TRIM43B: variants seen among roughly 807,000 people sequenced by gnomAD.
The protein encoded by TRIM43B is tripartite motif-containing protein 43B.
In TRIM43B, 15 loss-of-function variants were observed where a neutral mutation model predicts 27.0. The observed-to-expected ratio is 0.55, with a 90% CI of 0.37 to 0.85. The LOEUF (loss-of-function observed/expected upper bound fraction) is 0.85. TRIM43B is among the 40% of genes least tolerant of loss of function. TRIM43B has a pLI of 0.00. For synonymous variants in TRIM43B, 69 were observed against 97.8 expected (o/e 0.71, Z 1.74); for missense variants, 172 against 289.8 (o/e 0.59, Z 2.95).
chr2:95,483,097 G>C (rs1573604740), intron 1 of TRIM43B, among the ~76,000 whole-genome samples: 2 of 152,208 alleles, frequency 1.3e-5, no homozygotes, highest in African/African-American at 2.4e-5. Flanking sequence ...CCAGTGATTG[G>C]TTTAGAGAAG....
intron 4 of TRIM43B, 56 bp downstream of exon 4, chr2:95,480,249 A>T (rs1275715134): frequency 6.7e-7 from 1 of 1,499,888 alleles, no homozygotes; most frequent in East Asian, 2.5e-5. Flanking sequence ...AATGGAAGGC[A>T]AAGATGTAAA....
chr2:95,481,728 C>T (rs1195001748), intron 2 of TRIM43B, 38 bp from the exon 3 acceptor site: 1 of 1,592,988 alleles, frequency 6.3e-7, no homozygotes, highest in Non-Finnish European at 8.6e-7. Context: ...AAGTCAAATA[C>T]CAAAGATTCC....
In TRIM43B at chr2:95,484,070, A is replaced by T. The variant is rs1189461160; in HGVS notation, c.-5+536T>A. 6.5e-4 allele frequency among the ~76,000 whole-genome samples: 78 copies of T among 119,678 alleles called. 1 individual carries two copies. The highest frequency in any genetic ancestry group is 2.5e-3 in the African/African-American group (68 of 27,248). The allele number at this position is 119,678 out of a possible 152,430, so 78.5% of individuals were successfully genotyped here. A position where few individuals can be genotyped will look rare whatever the true frequency, so the allele number is the denominator to read the frequency against. On this transcript the variant is annotated intron_variant, in intron 1 of 6. Coordinates refer to ENST00000639673, the Ensembl canonical transcript of TRIM43B. ...CTCTAAAAATACTTATATAAATTTAAAAAAAAAAAAAAAAAAAAGGCCGGG... is the reference window on the plus strand; with the variant it reads ...CTCTAAAAATACTTATATAAATTTATAAAAAAAAAAAAAAAAAAGGCCGGG...
chr2:95,484,193 AC>A (rs1683598107), intron 1 of TRIM43B, among the ~76,000 whole-genome samples: 2 of 151,502 alleles, frequency 1.3e-5, no homozygotes, highest in African/African-American at 4.8e-5. Flanking sequence ...ACATAATGAA[AC>A]CCCGTCTCTA....
chr2:95,480,521 T>G lies in TRIM43B; in HGVS notation c.522A>C (p.Leu174Phe), dbSNP rs1481967811. 4.0e-5 allele frequency: 64 copies of G among 1,608,522 alleles called. No individual in the cohort carries two copies. The Middle Eastern group carries it at 7.4e-4, about 19-fold the overall frequency. ...ACTCATTCCTGATCATCTGTGCCCG[T>G]AAAACCACATCGCCCTGTAGGGATA... The change falls in exon 4 of 7, where the codon TTA (leucine) becomes TTC (phenylalanine). Residue 174 changes from leucine (L) to phenylalanine (F), a missense_variant. By Grantham distance (22) the Leu-to-Phe change is conservative. Around this residue, in one of 3 missense-constraint regions of TRIM43B, gnomAD observed 67 missense variants for 66.4 expected, o/e 1.01. Transcript: ENST00000639673.
chr2:95,481,795 G>A (rs1185076330), intron 2 of TRIM43B, 105 bp from the exon 3 acceptor site: 2 of 1,284,786 alleles, frequency 1.6e-6, no homozygotes, highest in Non-Finnish European at 1.0e-6. Context: ...ATTAGTGAGA[G>A]GAGAAAAAAA....
At chr2:95,481,750 G>C in intron 2 of TRIM43B, 60 bp from the exon 3 acceptor site, 2 of 1,547,826 alleles carry the variant, frequency 1.3e-6, no homozygotes, top group Non-Finnish European at 1.7e-6. Flanking sequence ...CCATCTGAGT[G>C]GTATAAGCAG....
At chr2:95,480,573 C>A in intron 3 of TRIM43B, 38 bp from the exon 4 acceptor site, 1 of 1,601,822 alleles carries the variant, frequency 6.2e-7, no homozygotes, top group Non-Finnish European at 8.5e-7. Context: ...TATACCCAGG[C>A]CTACTTCCAC....
intron 1 of TRIM43B, among the ~76,000 whole-genome samples, chr2:95,484,257 A>G (rs1683600136): frequency 6.6e-6 from 1 of 151,900 alleles, no homozygotes; most frequent in Non-Finnish European, 1.5e-5. Context: ...CTATATTTCC[A>G]GCTACTCTGG....
chr2:95,484,732 C>T (rs1243263652), upstream of TRIM43B: 8 of 151,480 alleles, frequency 5.3e-5, no homozygotes. Context: ...TGCAAAGCTA[C>T]TCTGTGGGCT....
chr2:95,481,561 A>G (rs1188442221), intron 3 of TRIM43B, 34 bp downstream of exon 3: 2 of 1,541,106 alleles, frequency 1.3e-6, no homozygotes, highest in Admixed American at 4.2e-5. Flanking sequence ...GCCTGTCTCA[A>G]GCTGGTCAGG....
intron 1 of TRIM43B, among the ~76,000 whole-genome samples, chr2:95,484,024 A>G (rs578051177): frequency 2.1e-4 from 31 of 150,904 alleles, no homozygotes; most frequent in Non-Finnish European, 3.8e-4. Context: ...GTGACACGGT[A>G]AAATGTCTAG....
chr2:95,480,539 T>C lies in TRIM43B; in HGVS notation c.508-4A>G, dbSNP rs749593312. 1 of 1,607,396 alleles carries C rather than the reference T, an allele frequency of 6.2e-7. No homozygotes were observed. The highest frequency in any genetic ancestry group is 1.1e-5 in the South Asian group (1 of 90,154). Reference sequence around the variant, plus strand: ...GTGCCCGTAAAACCACATCGCCCTGTAGGGATATGAATTTTGTAGGTTATA... The same window carrying C: ...GTGCCCGTAAAACCACATCGCCCTGCAGGGATATGAATTTTGTAGGTTATA... On this transcript the variant is annotated splice_polypyrimidine_tract_variant and splice_region_variant and intron_variant, in intron 3 of 6. Coordinates refer to ENST00000639673, the Ensembl canonical transcript of TRIM43B.
chr2:95,484,136 C>G (rs768141639), intron 1 of TRIM43B, among the ~76,000 whole-genome samples: 82 of 150,590 alleles, frequency 5.4e-4, no homozygotes, highest in African/African-American at 8.5e-4. Flanking sequence ...TTTCAGAGGC[C>G]GAGGTGAACG....
rs1165502973 is a variant in TRIM43B at position 95,480,546 on chromosome 2, A to G, written c.508-11T>C. 27 of 1,606,014 alleles carry G rather than the reference A, an allele frequency of 1.7e-5. No individual in the cohort carries two copies. The East Asian group carries it at 3.4e-4, about 20-fold the overall frequency. On this transcript the variant is annotated splice_polypyrimidine_tract_variant and intron_variant, in intron 3 of 6. Transcript: ENST00000639673. ...TAAAACCACATCGCCCTGTAGGGAT[A>G]TGAATTTTGTAGGTTATATACCCAG...
At chr2:95,481,795 G>C in intron 2 of TRIM43B, 105 bp from the exon 3 acceptor site, 1 of 1,284,788 alleles carries the variant, frequency 7.8e-7, no homozygotes. Flanking sequence ...ATTAGTGAGA[G>C]GAGAAAAAAA....
intron 2 of TRIM43B, 115 bp from the exon 3 acceptor site, chr2:95,481,805 A>T: frequency 9.3e-7 from 1 of 1,075,522 alleles, no homozygotes; most frequent in Non-Finnish European, 1.3e-6. Context: ...GGAGAAAAAA[A>T]CAAAATTTTT....
Position 95,480,415 on chromosome 2 carries a change from G to A in TRIM43B, c.628C>T (p.Gln210Ter), listed in dbSNP as rs748970463. 8 of 1,608,576 alleles carry A rather than the reference G, an allele frequency of 5.0e-6. No individual in the cohort carries two copies. The South Asian group carries it at 8.9e-5, about 18-fold the overall frequency. The change falls in exon 4 of 7, where the codon CAG becomes TAG. Residue 210 changes from glutamine (Q) to a stop codon, truncating the protein, a stop_gained. Transcript: ENST00000639673. LOFTEE classifies it high-confidence loss of function. ...TTGACCCAACTTCTCTGGAGTTGCTGAAAAATCTCTTGGTATTCCTTGTTC... is the reference window on the plus strand; with the variant it reads ...TTGACCCAACTTCTCTGGAGTTGCTAAAAAATCTCTTGGTATTCCTTGTTC...
intron 1 of TRIM43B, among the ~76,000 whole-genome samples, chr2:95,483,839 A>C (rs1323556832): frequency 6.6e-6 from 1 of 151,910 alleles, no homozygotes; most frequent in East Asian, 1.9e-4. Context: ...CCCCCAAAAC[A>C]AAAACAAAAA....
Sources: allele counts gnomAD v4.1 joint callset (sites outside exome capture counted in the v4.1 genomes callset), GRCh38; gene constraint gnomAD v4.1.1; regional missense constraint gnomAD v4.1.1; transcripts MANE v1.5; gene names NCBI Gene and HGNC (gene_info 2026-07-23, HGNC 2026-07-21).